The following ELMO1 variants were observed in gnomAD, a reference collection of about 807,000 sequenced individuals.
The protein encoded by ELMO1 is engulfment and cell motility protein 1.
A neutral mutation model predicts 98.9 loss-of-function variants in ELMO1; 26 were observed. The ratio of observed to expected loss-of-function variants is 0.26; its 90% CI spans 0.19 to 0.36. The LOEUF is 0.36. Among genes scored for constraint, ELMO1 ranks in the 10% least tolerant of loss-of-function variants. The pLI is 1.00. For missense variants in ELMO1, 627 were observed against 935.2 expected, an observed-to-expected ratio of 0.67 and a Z score of 4.30; for synonymous variants, 346 against 346.0, an observed-to-expected ratio of 1.00 and a Z score of 0.00.
At chr7:37,122,333 C>G (rs1408633071) in intron 14 of ELMO1, among the ~76,000 whole-genome samples, 1 of 152,144 alleles carries the variant, frequency 6.6e-6, no homozygotes, top group Non-Finnish European at 1.5e-5. Context: ...TTAAAAGACA[C>G]AGACTGGCAA....
intron 13 of ELMO1, among the ~76,000 whole-genome samples, chr7:37,187,734 CT>C (rs1791302992): frequency 6.6e-6 from 1 of 152,124 alleles, no homozygotes; most frequent in South Asian, 2.1e-4. Context: ...CGCAGGTGCA[CT>C]GAAATGTGAT....
chr7:37,061,438 G>A (rs1412180931), intron 15 of ELMO1, among the ~76,000 whole-genome samples: 3 of 152,180 alleles, frequency 2.0e-5, no homozygotes, highest in Non-Finnish European at 4.4e-5. Context: ...AAAGTGACTA[G>A]AGTTGCCCCC....
chr7:37,025,222 T>TA (rs903515030), intron 15 of ELMO1, among the ~76,000 whole-genome samples: 11 of 152,064 alleles, frequency 7.2e-5, no homozygotes, highest in Non-Finnish European at 1.6e-4. Context: ...AAAATAACAA[T>TA]AAAAAACAAC....
intron 10 of ELMO1, among the ~76,000 whole-genome samples, chr7:37,219,846 A>C (rs1481650885): frequency 6.6e-6 from 1 of 152,388 alleles, no homozygotes; most frequent in East Asian, 1.9e-4. Flanking sequence ...TAAAACACTG[A>C]ACACTGCTTG....
chr7:36,985,462 G>A (rs959733999), intron 16 of ELMO1, among the ~76,000 whole-genome samples: 1 of 152,034 alleles, frequency 6.6e-6, no homozygotes, highest in Admixed American at 6.6e-5. Context: ...GTGGCTGGGG[G>A]TCTGAAGAAG....
chr7:37,021,732 G>C (rs755750362), intron 15 of ELMO1, among the ~76,000 whole-genome samples: 6 of 151,836 alleles, frequency 4.0e-5, no homozygotes, highest in Non-Finnish European at 8.8e-5. Flanking sequence ...TTGCTGTTAA[G>C]ATTAAATGTA....
At chr7:37,076,329 TAAAGAGGAATACTCA>T (rs1282098647) in intron 15 of ELMO1, among the ~76,000 whole-genome samples, 4 of 152,160 alleles carry the variant, frequency 2.6e-5, no homozygotes. Flanking sequence ...AGGTCATGAC[TAAAGAGGAATACTCA>T]AAAATGACAG....
intron 1 of ELMO1, among the ~76,000 whole-genome samples, chr7:37,382,156 GAA>G (rs958878243): frequency 4.6e-5 from 7 of 152,092 alleles, no homozygotes; most frequent in African/African-American, 1.7e-4. Context: ...CTTTAAAAAA[GAA>G]AAGTTTCCTT....
rs79697562 is a variant in ELMO1, at chr7:37,217,606, G to T, written c.781-911C>A. On this transcript the variant is annotated intron_variant, in intron 10 of 21. Transcript: ENST00000310758. ...AAAGCAAAGAAAACCAAGAACATGG[G>T]GGGTGGGGGAGATTTCTGAGGAGGG... The T allele has an allele frequency of 3.8e-5, 16 of 423,684 alleles. No homozygotes were observed. In the East Asian group the frequency reaches 4.3e-4, roughly 11 times the overall value. The allele number at this position is 423,684 out of a possible 1,614,324, so 26.2% of individuals were successfully genotyped here. A position where few individuals can be genotyped will look rare whatever the true frequency, so the allele number is the denominator to read the frequency against.
At chr7:36,895,076 G>A in intron 16 of ELMO1, 59 bp from the exon 17 acceptor site, 2 of 1,591,332 alleles carry the variant, frequency 1.3e-6, no homozygotes, top group Non-Finnish European at 1.7e-6. Flanking sequence ...ATTCAGAAAA[G>A]TCTTTCCGAG....
chr7:37,078,773 T>A (rs1421294434), intron 15 of ELMO1, among the ~76,000 whole-genome samples: 2 of 152,204 alleles, frequency 1.3e-5, no homozygotes, highest in Non-Finnish European at 2.9e-5. Flanking sequence ...GTCAAATTAA[T>A]TATAGTAGAT....
intron 1 of ELMO1, among the ~76,000 whole-genome samples, chr7:37,391,944 G>T (rs1583675015): frequency 6.6e-6 from 1 of 152,208 alleles, no homozygotes; most frequent in African/African-American, 2.4e-5. Flanking sequence ...GTTGTAGAAA[G>T]AGAACTGTAA....
intron 13 of ELMO1, among the ~76,000 whole-genome samples, chr7:37,165,120 T>C (rs1405159413): frequency 1.3e-5 from 2 of 152,248 alleles, no homozygotes; most frequent in African/African-American, 2.4e-5. Context: ...AGTTCACTCA[T>C]GATTTGGCTC....
intron 1 of ELMO1, among the ~76,000 whole-genome samples, chr7:37,417,914 C>T (rs1804298399): frequency 6.6e-6 from 1 of 152,132 alleles, no homozygotes; most frequent in South Asian, 2.1e-4. Flanking sequence ...GGAGGCACAG[C>T]TTGGAGTGAT....
chr7:37,435,242 A>C (rs938611009), intron 1 of ELMO1: 2 of 152,274 alleles, frequency 1.3e-5, no homozygotes, highest in Non-Finnish European at 2.9e-5. Flanking sequence ...AAAATAAAGA[A>C]TATTTCCAAA....
intron 16 of ELMO1, among the ~76,000 whole-genome samples, chr7:36,950,314 G>A (rs1787866080): frequency 6.6e-6 from 1 of 152,192 alleles, no homozygotes; most frequent in African/African-American, 2.4e-5. Context: ...GCCCACAGTA[G>A]CTTTTTATGT....
At chr7:37,010,858 A>G (rs1385665701) in intron 16 of ELMO1, among the ~76,000 whole-genome samples, 1 of 152,236 alleles carries the variant, frequency 6.6e-6, no homozygotes, top group East Asian at 1.9e-4. Context: ...AGGCATGCAT[A>G]GTACTGAAAA....
intron 19 of ELMO1, among the ~76,000 whole-genome samples, chr7:36,871,343 C>T (rs1803483429): frequency 6.6e-6 from 1 of 152,088 alleles, no homozygotes; most frequent in South Asian, 2.1e-4. Context: ...TGAAACCAGC[C>T]TGGGCAACAT....
At chr7:37,245,959 TAG>T (rs943349248) in intron 6 of ELMO1, among the ~76,000 whole-genome samples, 21 of 152,170 alleles carry the variant, frequency 1.4e-4, no homozygotes, top group Admixed American at 4.6e-4. Context: ...CACATTGTTA[TAG>T]AGTGATGTGC....
Sources: allele counts gnomAD v4.1 joint callset (sites outside exome capture counted in the v4.1 genomes callset), GRCh38; gene constraint gnomAD v4.1.1; transcripts MANE v1.5; gene names NCBI Gene and HGNC (gene_info 2026-07-23, HGNC 2026-07-21).